Variants in C12orf56 observed in about 807,000 individuals in gnomAD.
The protein encoded by C12orf56 is uncharacterized protein C12orf56.
In C12orf56, 71 loss-of-function variants were observed where a neutral mutation model predicts 69.9. That is an observed-to-expected ratio of 1.02 (90% CI 0.84 to 1.24). The LOEUF (loss-of-function observed/expected upper bound fraction) is 1.24, where lower values mean the gene tolerates loss of function less well. C12orf56 is among the 50% of genes most tolerant of loss of function. The probability of loss-of-function intolerance (pLI) is 0.00; values close to 1 mark genes in which losing one functional copy is unlikely to be tolerated. For synonymous variants in C12orf56, 276 were observed against 274.1 expected, an observed-to-expected ratio of 1.01 and a Z score of -0.07; for missense variants, 732 against 738.5, an observed-to-expected ratio of 0.99 and a Z score of 0.10.
rs1212435386 is a variant in C12orf56, at chr12:64,265,400, G to T, written c.*1783C>A. 6.6e-6 allele frequency: 1 copy of T among 152,228 alleles called. No individual in the cohort carries two copies. The highest frequency in any genetic ancestry group is 1.9e-4 in the East Asian group (1 of 5,200). 9.4% of individuals were successfully genotyped at this position (152,228 alleles called of 1,614,324 possible). A position where few individuals can be genotyped will look rare whatever the true frequency, so the allele number is the denominator to read the frequency against. On this transcript the variant is annotated 3_prime_UTR_variant, in exon 13 of 13. Transcript: ENST00000543942. The stretch of plus-strand genomic sequence containing the variant: ...GAAACTTTGGGTAAAAAGAAAGGAG[G>T]ATTACTTGAAGTTAGTGCAAAATCA...
In C12orf56 at chr12:64,308,959, G is replaced by GAAA. The variant is rs1157732795; in HGVS notation, c.968+3717_968+3719dup. On this transcript the variant is annotated intron_variant, in intron 5 of 12. Transcript: ENST00000543942. ...AAGAAAGAAGAAAGAAAGAAAGAAA[G>GAAA]AAAGAAAGAAAGAAAAGAAAGAAAG... Among the ~76,000 whole-genome samples, 42 of 110,010 alleles carry GAAA rather than the reference G, an allele frequency of 3.8e-4. 2 individuals are homozygous for GAAA. Among genetic ancestry groups the GAAA allele is most frequent in the Admixed American group, 3.6e-3 (36 of 9,984 alleles). 72.2% of individuals were successfully genotyped at this position (110,010 alleles called of 152,430 possible). A position where few individuals can be genotyped will look rare whatever the true frequency, so the allele number is the denominator to read the frequency against.
At chr12:64,338,888 C>G in intron 2 of C12orf56, 1 of 589,996 alleles carries the variant, frequency 1.7e-6, no homozygotes, top group African/African-American at 1.9e-5. Context: ...CTGTGCAGAC[C>G]TTGGTTTCCT....
chr12:64,277,649 T>TATATAA (rs34120343), intron 9 of C12orf56, 31 bp downstream of exon 9: 137 of 1,391,064 alleles, frequency 9.8e-5, no homozygotes, highest in Admixed American at 1.7e-4. Flanking sequence ...TATATATATA[T>TATATAA]AATAGTTTAC....
At chr12:64,372,762 A>G (rs1258129862) in intron 1 of C12orf56, among the ~76,000 whole-genome samples, 6 of 151,978 alleles carry the variant, frequency 3.9e-5, no homozygotes, top group Admixed American at 6.6e-5. Flanking sequence ...TGATCCGCCC[A>G]CCTCAGCCTC....
rs1340455551 is a variant in C12orf56 at position 64,328,695 on chromosome 12, AAAAAAAAAAAAATATATATATATATAT to A, written c.488+2238_488+2264del. ...ACTCCATCTCAAAAAAAAAAAAAAA[AAAAAAAAAAAAATATATATATATATAT>A]ATATATATATATATAGTATCACACT... is the stretch of plus-strand genomic sequence containing the variant. On this transcript the variant is annotated intron_variant, in intron 3 of 12. Transcript: ENST00000543942. 2.2e-4 allele frequency among the ~76,000 whole-genome samples: 4 copies of A among 18,130 alleles called. 1 individual carries two copies. The highest frequency in any genetic ancestry group is 4.4e-4 in the Non-Finnish European group (4 of 9,108). The allele number at this position is 18,130 out of a possible 152,430, so 11.9% of individuals were successfully genotyped here. A position where few individuals can be genotyped will look rare whatever the true frequency, so the allele number is the denominator to read the frequency against.
chr12:64,284,524 G>A, intron 8 of C12orf56, 140 bp downstream of exon 8: 1 of 550,026 alleles, frequency 1.8e-6, no homozygotes, highest in East Asian at 3.3e-5. Flanking sequence ...ATGGAAGGAA[G>A]GAGAAAAACA....
chr12:64,299,136 T>G (rs1324637787), intron 6 of C12orf56, among the ~76,000 whole-genome samples: 1 of 152,222 alleles, frequency 6.6e-6, no homozygotes, highest in African/African-American at 2.4e-5. Context: ...TTTTATTCTC[T>G]TAGTAGCAAT....
In C12orf56 at chr12:64,280,096, G is replaced by A. The variant is rs190029894; in HGVS notation, c.1311-2293C>T. Among the ~76,000 whole-genome samples the A allele has an allele frequency of 3.5e-3, 536 of 152,190 alleles. 17 individuals carry two copies. Among genetic ancestry groups the A allele is most frequent in the Admixed American group, 0.032 (486 of 15,274 alleles). On this transcript the variant is annotated intron_variant, in intron 8 of 12. Coordinates refer to ENST00000543942, the MANE Select transcript of C12orf56 (RefSeq NM_001170633.2). The stretch of plus-strand genomic sequence containing the variant: ...TTACAGCAAAGTATGTTGAACTAAT[G>A]AAATCTCCACTCATGAAAACAATAA...
intron 1 of C12orf56, among the ~76,000 whole-genome samples, chr12:64,358,600 C>T (rs568118975): frequency 6.6e-6 from 1 of 151,694 alleles, no homozygotes; most frequent in African/African-American, 2.4e-5. Context: ...TCGAGACCAG[C>T]CTGGCCAACG....
At chr12:64,316,191 C>T (rs1170298156) in intron 4 of C12orf56, among the ~76,000 whole-genome samples, 7 of 151,886 alleles carry the variant, frequency 4.6e-5, no homozygotes, top group African/African-American at 1.2e-4. Context: ...CTGCAACCTC[C>T]GCCTCCCAGG....
chr12:64,383,031 C>T (rs915419138), intron 1 of C12orf56, among the ~76,000 whole-genome samples: 3 of 150,784 alleles, frequency 2.0e-5, no homozygotes, highest in Non-Finnish European at 4.4e-5. Flanking sequence ...AAACTTTGAT[C>T]TCTGGCCGGG....
intron 6 of C12orf56, among the ~76,000 whole-genome samples, chr12:64,296,658 A>C (rs73327148): frequency 0.031 from 4,750 of 152,288 alleles, 242 homozygotes; most frequent in African/African-American, 0.11. Flanking sequence ...TAAAAAAGAC[A>C]TGAATTTTTG....
intron 6 of C12orf56, among the ~76,000 whole-genome samples, chr12:64,289,335 C>T (rs1311230407): frequency 3.8e-5 from 5 of 131,258 alleles, no homozygotes; most frequent in African/African-American, 1.4e-4. Flanking sequence ...AATTGAATAC[C>T]TTTATTTCCT....
chr12:64,354,459 CT>C (rs535567236), intron 1 of C12orf56, among the ~76,000 whole-genome samples: 64 of 148,518 alleles, frequency 4.3e-4, no homozygotes, highest in Middle Eastern at 3.4e-3. Flanking sequence ...TCCCATCTCT[CT>C]TTTTTTTTTA....
rs2038566624 is a variant in C12orf56, at chr12:64,308,951, GAAAGAAAGA to G, written c.968+3719_968+3727del. Among the ~76,000 whole-genome samples, 3 of 90,350 alleles carry G rather than the reference GAAAGAAAGA, an allele frequency of 3.3e-5. No individual in the cohort carries two copies. The Admixed American group carries it at 3.5e-4, about 11-fold the overall frequency. 59.3% of individuals were successfully genotyped at this position (90,350 alleles called of 152,430 possible). On this transcript the variant is annotated intron_variant, in intron 5 of 12. Coordinates refer to ENST00000543942, the MANE Select transcript of C12orf56 (RefSeq NM_001170633.2). ...AAGAAAGAAAGAAAGAAGAAAGAAA[GAAAGAAAGA>G]AAGAAAGAAAGAAAAGAAAGAAAGA...
At chr12:64,380,376 A>C (rs971654768) in intron 1 of C12orf56, among the ~76,000 whole-genome samples, 3 of 152,152 alleles carry the variant, frequency 2.0e-5, no homozygotes, top group African/African-American at 7.2e-5. Flanking sequence ...GCTATATGAT[A>C]GATCTGAGCA....
Position 64,390,409 on chromosome 12 carries a change from CA to C in C12orf56, c.156del (p.Tyr52Ter), listed in dbSNP as rs1197165097. 2 of 1,613,290 alleles carry C rather than the reference CA, an allele frequency of 1.2e-6. No individual in the cohort carries two copies. The highest frequency in any genetic ancestry group is 3.3e-5 in the Admixed American group (2 of 60,028). ...TAGACGAGCCGGTCGCTTAGCACCACATACTTGAGGATGTGGTTCTCAGAGT... is the reference window on the plus strand; with the variant it reads ...TAGACGAGCCGGTCGCTTAGCACCACTACTTGAGGATGTGGTTCTCAGAGT... Reference protein sequence around the residue: ...VSNSENHILKYVVLSDRLVYL... With the variant: ...VSNSENHILKXVVLSDRLVYL... On this transcript the variant is annotated frameshift_variant, in exon 1 of 13. Transcript: ENST00000543942. LOFTEE classifies it high-confidence loss of function.
chr12:64,324,683 G>A (rs1388164884), intron 3 of C12orf56, among the ~76,000 whole-genome samples: 2 of 152,216 alleles, frequency 1.3e-5, no homozygotes, highest in African/African-American at 4.8e-5. Flanking sequence ...GAATACCACT[G>A]AAAGGTTTTA....
At chr12:64,303,592 G>A (rs2038474567) in intron 6 of C12orf56, 43 bp downstream of exon 6, 2 of 1,409,890 alleles carry the variant, frequency 1.4e-6, no homozygotes, top group Non-Finnish European at 1.9e-6. Flanking sequence ...TGGTAAACAG[G>A]AAACACAAAC....
Sources: gnomAD v4.1 joint callset for allele counts (sites outside exome capture counted in the v4.1 genomes callset) on GRCh38, gnomAD v4.1.1 for gene constraint, MANE v1.5 for transcripts, NCBI Gene and HGNC (gene_info 2026-07-23, HGNC 2026-07-21) for gene names.